The following PDE10A variants were observed in gnomAD, a reference collection of about 807,000 sequenced individuals.
PDE10A encodes the protein phosphodiesterase 10A.
In PDE10A, 39 loss-of-function variants were observed where a neutral mutation model predicts 97.7. That is an observed-to-expected ratio of 0.40 (90% CI 0.31 to 0.52). PDE10A has a LOEUF of 0.52. Among genes scored for constraint, PDE10A ranks in the 20% least tolerant of loss-of-function variants. The pLI is 0.56. For synonymous variants in PDE10A, 371 were observed against 376.8 expected (o/e 0.98, Z 0.18); for missense variants, 731 against 1,047.8 (o/e 0.70, Z 4.17).
chr6:165,494,367 A>G (rs926944243), intron 2 of PDE10A, among the ~76,000 whole-genome samples: 3 of 151,548 alleles, frequency 2.0e-5, no homozygotes, highest in Non-Finnish European at 2.9e-5. Context: ...ATACTTGCAC[A>G]TGCATGTTTA....
chr6:165,701,070 G>A (rs952719413), intron 1 of PDE10A, among the ~76,000 whole-genome samples: 2 of 152,220 alleles, frequency 1.3e-5, no homozygotes, highest in South Asian at 4.1e-4. Context: ...GTAGGTTACA[G>A]CAACTTAGTT....
At chr6:165,382,078 T>C (rs1189035986) in intron 17 of PDE10A, among the ~76,000 whole-genome samples, 2 of 152,210 alleles carry the variant, frequency 1.3e-5, no homozygotes, top group African/African-American at 4.8e-5. Flanking sequence ...CGAATGTTTC[T>C]AAAACTTAAC....
intron 1 of PDE10A, among the ~76,000 whole-genome samples, chr6:165,964,798 C>A (rs1438890250): frequency 6.6e-6 from 1 of 152,174 alleles, no homozygotes; most frequent in African/African-American, 2.4e-5. Flanking sequence ...GATGGACCCA[C>A]ATAATGATGA....
intron 1 of PDE10A, chr6:165,947,126 A>AT (rs1195686778): frequency 6.6e-6 from 1 of 152,190 alleles, no homozygotes; most frequent in Non-Finnish European, 1.5e-5. Context: ...ACGTGCAGTC[A>AT]TTGATGAAGA....
intron 1 of PDE10A, among the ~76,000 whole-genome samples, chr6:165,684,956 T>C (rs573580967): frequency 6.6e-6 from 1 of 152,332 alleles, no homozygotes; most frequent in African/African-American, 2.4e-5. Context: ...TAAAGTTATA[T>C]GAATGGCCAT....
chr6:165,349,863 G>C (rs930637039), intron 18 of PDE10A, among the ~76,000 whole-genome samples: 3 of 152,220 alleles, frequency 2.0e-5, no homozygotes. Flanking sequence ...CTTACATGTG[G>C]TGTTGGGCCT....
chr6:165,785,450 T>C (rs9347087), intron 1 of PDE10A, among the ~76,000 whole-genome samples: 73,098 of 152,038 alleles, frequency 0.48, 18,678 homozygotes, highest in Non-Finnish European at 0.58. Flanking sequence ...ATTAGCATCA[T>C]AGATATCCTC....
At chr6:165,987,870 G>C (rs535810473) in exon 1 of PDE10A, 1 of 378,438 alleles carries the variant, frequency 2.6e-6, no homozygotes, top group Non-Finnish European at 5.2e-6. Context: ...TGCACCCAGC[G>C]CCTTGGGCGC....
At chr6:165,907,736 G>C (rs1782335349) in intron 1 of PDE10A, among the ~76,000 whole-genome samples, 1 of 152,228 alleles carries the variant, frequency 6.6e-6, no homozygotes, top group African/African-American at 2.4e-5. Flanking sequence ...CTGCAGCAGT[G>C]GGGAAAGGAC....
chr6:165,895,231 C>T (rs780042966), intron 1 of PDE10A, among the ~76,000 whole-genome samples: 14 of 152,312 alleles, frequency 9.2e-5, no homozygotes, highest in African/African-American at 1.4e-4. Flanking sequence ...TGAGGTCATA[C>T]TCCATCAGGG....
chr6:165,824,865 C>T (rs1779681788), intron 1 of PDE10A, among the ~76,000 whole-genome samples: 2 of 150,704 alleles, frequency 1.3e-5, no homozygotes, highest in East Asian at 2.0e-4. Flanking sequence ...TGCGGTGGCT[C>T]ATGCCTGTAA....
chr6:165,482,401 T>C lies in PDE10A; in HGVS notation c.995-58A>G, dbSNP rs904831214. 10 of 1,269,056 alleles carry C rather than the reference T, an allele frequency of 7.9e-6. No individual in the cohort carries two copies. In the East Asian group the frequency reaches 1.9e-4, roughly 24 times the overall value. 78.6% of individuals were successfully genotyped at this position (1,269,056 alleles called of 1,614,324 possible). On this transcript the variant is annotated intron_variant, in intron 2 of 21. Coordinates refer to ENST00000539869, the MANE Select transcript of PDE10A (RefSeq NM_001385079.1). ...ATTAGCGACTGAGTAGGTTTTAAAA[T>C]ACAAAACATGTCATTTGCTTTCAAT...
rs1562415872 is a variant in PDE10A, at chr6:165,392,743, C to T, written c.2357G>A (p.Arg786Gln). The change falls in exon 16 of 22, where the codon CGG becomes CAG. Residue 786 changes from arginine to glutamine, a missense_variant. Physicochemically the swap from Arg to Gln is conservative, Grantham distance 43. Transcript: ENST00000539869. ...RFIMSVKKNY[R>Q]RVPYHNWKHA... ...CTTCCAGTTGTGATAAGGAACCCGC[C>T]GATAGTTCTTCTTCACAGACATAAT... 2.5e-6 allele frequency: 4 copies of T among 1,613,738 alleles called. No individual in the cohort carries two copies. The highest frequency in any genetic ancestry group is 3.4e-6 in the Non-Finnish European group (4 of 1,179,720).
In PDE10A at chr6:165,351,008, G is replaced by T. The variant is rs181208364; in HGVS notation, c.2784-7506C>A. ...GAGAACGGACTAATACACTGTCTAA[G>T]AATCGATTTCTAGGATCCCAAATTC... On this transcript the variant is annotated intron_variant, in intron 18 of 21. Transcript: ENST00000539869. Among the ~76,000 whole-genome samples, 232 of 152,268 alleles carry T rather than the reference G, an allele frequency of 1.5e-3. 1 individual carries two copies. The highest frequency in any genetic ancestry group is 5.2e-3 in the African/African-American group (216 of 41,564).
intron 2 of PDE10A, among the ~76,000 whole-genome samples, chr6:165,536,371 TGGGGAAATGCAACA>T (rs1037960114): frequency 6.6e-6 from 1 of 151,716 alleles, no homozygotes; most frequent in African/African-American, 2.4e-5. Context: ...AAAAAAACAT[TGGGGAAATGCAACA>T]GGGCATTGGT....
chr6:165,416,033 T>C (rs1452520836), intron 12 of PDE10A, among the ~76,000 whole-genome samples, 156 bp downstream of exon 12: 3 of 152,216 alleles, frequency 2.0e-5, no homozygotes, highest in Non-Finnish European at 4.4e-5. Flanking sequence ...TATCTGAATA[T>C]ACTGACTATT....
chr6:165,722,680 C>T (rs1253453314), intron 1 of PDE10A, among the ~76,000 whole-genome samples: 1 of 151,990 alleles, frequency 6.6e-6, no homozygotes, highest in Non-Finnish European at 1.5e-5. Context: ...AAAGTGAAAC[C>T]TTGGATAAGG....
chr6:165,755,822 A>G (rs1793104461), intron 1 of PDE10A, among the ~76,000 whole-genome samples: 1 of 152,184 alleles, frequency 6.6e-6, no homozygotes, highest in African/African-American at 2.4e-5. Flanking sequence ...TCCTGATAGG[A>G]CTTGGGGGAT....
chr6:165,824,409 G>A (rs1779665845), intron 1 of PDE10A, among the ~76,000 whole-genome samples: 1 of 152,194 alleles, frequency 6.6e-6, no homozygotes, highest in South Asian at 2.1e-4. Flanking sequence ...AGAAGCTTTT[G>A]CTTTGGGCAA....
Sources: gnomAD v4.1 joint callset for allele counts (sites outside exome capture counted in the v4.1 genomes callset) on GRCh38, gnomAD v4.1.1 for gene constraint, MANE v1.5 for transcripts, NCBI Gene and HGNC (gene_info 2026-07-23, HGNC 2026-07-21) for gene names.